The following LARGE1 variants were observed in gnomAD, a reference collection of about 807,000 sequenced individuals.
LARGE1 encodes xylosyl- and glucuronyltransferase LARGE1.
LARGE1 carries 43 observed loss-of-function variants against 87.6 expected under a neutral mutation model. The ratio of observed to expected loss-of-function variants is 0.49; its 90% CI spans 0.38 to 0.63. The LOEUF (loss-of-function observed/expected upper bound fraction) is 0.63, where lower values mean the gene tolerates loss of function less well. Among genes scored for constraint, LARGE1 ranks in the 30% least tolerant of loss-of-function variants. LARGE1 has a pLI of 0.00. For missense variants in LARGE1, 802 were observed against 1,000.2 expected, an observed-to-expected ratio of 0.80 and a Z score of 2.67; for synonymous variants, 434 against 394.6, an observed-to-expected ratio of 1.10 and a Z score of -1.18.
chr22:33,399,631 C>T (rs773586197), intron 7 of LARGE1, among the ~76,000 whole-genome samples: 1 of 152,164 alleles, frequency 6.6e-6, no homozygotes, highest in Non-Finnish European at 1.5e-5. Context: ...TCACTGCAAG[C>T]TCCACCTCCC....
intron 6 of LARGE1, among the ~76,000 whole-genome samples, chr22:33,519,832 A>G (rs1256130413): frequency 6.6e-6 from 1 of 152,154 alleles, no homozygotes; most frequent in Non-Finnish European, 1.5e-5. Context: ...GGGTAAAAAG[A>G]GAACATTTCC....
chr22:33,241,606 A>T (rs1926522209), intron 11 of LARGE1, among the ~76,000 whole-genome samples: 1 of 151,940 alleles, frequency 6.6e-6, no homozygotes, highest in Admixed American at 6.6e-5. Context: ...ATGTACATAT[A>T]TATGTATCTA....
intron 11 of LARGE1, among the ~76,000 whole-genome samples, chr22:33,175,004 C>G (rs1313127516): frequency 6.6e-6 from 1 of 152,178 alleles, no homozygotes; most frequent in Non-Finnish European, 1.5e-5. Flanking sequence ...CATCCTGATA[C>G]CAAAACCTGG....
At chr22:33,399,438 A>G (rs1185835194) in intron 7 of LARGE1, among the ~76,000 whole-genome samples, 1 of 152,244 alleles carries the variant, frequency 6.6e-6, no homozygotes, top group Non-Finnish European at 1.5e-5. Context: ...TAGTGCTGCA[A>G]TAAACATACG....
chr22:33,682,009 C>T (rs182505804), intron 2 of LARGE1, among the ~76,000 whole-genome samples: 10 of 152,252 alleles, frequency 6.6e-5, no homozygotes, highest in Admixed American at 2.6e-4. Context: ...AAGAATCTGA[C>T]GCAAAGTGGT....
At chr22:33,782,732 G>A (rs768858408) in intron 1 of LARGE1, among the ~76,000 whole-genome samples, 1 of 151,984 alleles carries the variant, frequency 6.6e-6, no homozygotes, top group African/African-American at 2.4e-5. Context: ...GGGCGTGGTG[G>A]TGCGTGCCTG....
At chr22:33,582,268 T>A (rs974396801) in intron 5 of LARGE1, among the ~76,000 whole-genome samples, 2 of 152,172 alleles carry the variant, frequency 1.3e-5, no homozygotes, top group Non-Finnish European at 2.9e-5. Flanking sequence ...TGCTCAGAAG[T>A]ACCAGCTGAA....
At chr22:33,360,038 T>C (rs2064327756) in intron 9 of LARGE1, among the ~76,000 whole-genome samples, 1 of 149,682 alleles carries the variant, frequency 6.7e-6, no homozygotes. Context: ...CTTACATTGC[T>C]ATAAAGAAAT....
chr22:33,125,353 T>C, the LARGE1 span, among the ~76,000 whole-genome samples: 101,311 of 152,046 alleles, frequency 0.67, 34,165 homozygotes, highest in African/African-American at 0.76. Flanking sequence ...TTGACAAGAT[T>C]ACTACCAAGG....
chr22:33,775,715 G>C (rs563158192), intron 1 of LARGE1, among the ~76,000 whole-genome samples: 1 of 152,202 alleles, frequency 6.6e-6, no homozygotes, highest in East Asian at 1.9e-4. Context: ...TAGCTGGTAT[G>C]GTGGTGCATG....
chr22:33,759,591 G>A (rs1363038067), intron 2 of LARGE1, among the ~76,000 whole-genome samples: 1 of 152,118 alleles, frequency 6.6e-6, no homozygotes, highest in African/African-American at 2.4e-5. Flanking sequence ...AATACTAGTT[G>A]TTTGTACTGT....
chr22:33,791,832 T>A (rs781612360), intron 1 of LARGE1, among the ~76,000 whole-genome samples: 1 of 152,216 alleles, frequency 6.6e-6, no homozygotes, highest in African/African-American at 2.4e-5. Flanking sequence ...ACTACCACCA[T>A]CATCCTAGGA....
chr22:33,686,305 C>T (rs148607547), intron 2 of LARGE1, among the ~76,000 whole-genome samples: 149 of 151,880 alleles, frequency 9.8e-4, no homozygotes, highest in African/African-American at 3.4e-3. Context: ...ACTAACAACC[C>T]CTGGTTCGAA....
At chr22:33,394,463 C>T (rs1452036254) in intron 7 of LARGE1, among the ~76,000 whole-genome samples, 1 of 152,130 alleles carries the variant, frequency 6.6e-6, no homozygotes, top group Non-Finnish European at 1.5e-5. Flanking sequence ...CTCCCGAAGT[C>T]CTGGGATTAC....
intron 7 of LARGE1, among the ~76,000 whole-genome samples, chr22:33,423,679 C>CAAAAA (rs57917109): frequency 4.9e-4 from 59 of 119,230 alleles, no homozygotes; most frequent in Middle Eastern, 5.0e-3. Context: ...GATTCTGTCT[C>CAAAAA]AAAAAAAAAA....
chr22:33,446,963 G>A (rs7287567), intron 6 of LARGE1, among the ~76,000 whole-genome samples: 2 of 152,004 alleles, frequency 1.3e-5, no homozygotes, highest in African/African-American at 2.4e-5. Flanking sequence ...GCACCATCTC[G>A]GTTCACTGCA....
chr22:33,219,180 C>A (rs1925345143), intron 11 of LARGE1, among the ~76,000 whole-genome samples: 1 of 152,142 alleles, frequency 6.6e-6, no homozygotes. Context: ...TTAACTAATT[C>A]AAACAGCTAC....
At chr22:33,755,695 A>C (rs1334860793) in intron 2 of LARGE1, among the ~76,000 whole-genome samples, 1 of 152,184 alleles carries the variant, frequency 6.6e-6, no homozygotes, top group African/African-American at 2.4e-5. Context: ...CAAAAATCAC[A>C]GATGCTCACA....
the LARGE1 span, among the ~76,000 whole-genome samples, chr22:33,102,206 G>A: frequency 1.4e-5 from 2 of 144,570 alleles, no homozygotes; most frequent in South Asian, 2.2e-4. Flanking sequence ...GTCTCACTCT[G>A]TCACCAGTCT....
Sources: gnomAD v4.1 joint callset for allele counts (sites outside exome capture counted in the v4.1 genomes callset) on GRCh38, gnomAD v4.1.1 for gene constraint, MANE v1.5 for transcripts, NCBI Gene and HGNC (gene_info 2026-07-23, HGNC 2026-07-21) for gene names.